Variants in ZP3 observed in about 807,000 individuals in gnomAD.
The protein encoded by ZP3 is zona pellucida glycoprotein 3, also known as zona pellucida sperm-binding protein 3.
A neutral mutation model predicts 35.6 loss-of-function variants in ZP3; 21 were observed. That is an observed-to-expected ratio of 0.59 (90% CI 0.42 to 0.85). The LOEUF (loss-of-function observed/expected upper bound fraction) is 0.85, where lower values mean the gene tolerates loss of function less well. ZP3 is among the 40% of genes least tolerant of loss of function. ZP3 has a pLI of 0.00. For missense variants in ZP3, 437 were observed against 536.5 expected (o/e 0.81, Z 1.83); for synonymous variants, 207 against 214.5 (o/e 0.96, Z 0.31).
chr7:76,401,239 A>C (rs1440026381), intron 1 of ZP3, among the ~76,000 whole-genome samples: 1 of 151,818 alleles, frequency 6.6e-6, no homozygotes, highest in Non-Finnish European at 1.5e-5. Flanking sequence ...CCCCTCTCCT[A>C]GTGGTCCCTG....
chr7:76,401,032 G>C, intron 1 of ZP3: 5 of 1,549,108 alleles, frequency 3.2e-6, no homozygotes, highest in Non-Finnish European at 3.5e-6. Flanking sequence ...GGAGTGGGCT[G>C]TAGGGCGCTG....
intron 1 of ZP3, among the ~76,000 whole-genome samples, chr7:76,414,868 A>C: frequency 1.4e-4 from 1 of 7,266 alleles, no homozygotes; most frequent in Non-Finnish European, 2.8e-4. Flanking sequence ...GTGCCACAGT[A>C]ACCAGCACAA....
chr7:76,397,961 C>T (rs1179066825), intron 1 of ZP3: 43 of 976,352 alleles, frequency 4.4e-5, no homozygotes, highest in East Asian at 8.2e-5. Flanking sequence ...CCCAGGGTAC[C>T]GCCTCCTTGG....
chr7:76,407,764 A>G (rs563501032), intron 1 of ZP3, among the ~76,000 whole-genome samples: 1 of 152,298 alleles, frequency 6.6e-6, no homozygotes, highest in South Asian at 2.1e-4. Context: ...TGCATAAACC[A>G]TGAGCTTAGA....
chr7:76,420,325 A>T (rs1053087838), upstream of ZP3, among the ~76,000 whole-genome samples: 4 of 152,094 alleles, frequency 2.6e-5, no homozygotes, highest in African/African-American at 7.2e-5. Context: ...CTCACACCAG[A>T]TGTTCTTTTT....
intron 5 of ZP3, among the ~76,000 whole-genome samples, chr7:76,438,003 TAA>T (rs577263962): frequency 9.5e-4 from 145 of 152,300 alleles, no homozygotes; most frequent in Admixed American, 2.0e-3. Flanking sequence ...GGCTTGTTTC[TAA>T]AAGTCTGAAT....
chr7:76,402,839 G>A (rs1002064919), intron 1 of ZP3, among the ~76,000 whole-genome samples: 39 of 151,754 alleles, frequency 2.6e-4, no homozygotes, highest in African/African-American at 9.2e-4. Flanking sequence ...GGCTAATTTT[G>A]TATTTTTAGT....
At chr7:76,420,616 A>G (rs558940853), upstream of ZP3, among the ~76,000 whole-genome samples, 10 of 152,130 alleles carry the variant, frequency 6.6e-5, no homozygotes, top group South Asian at 1.7e-3. Flanking sequence ...ATACCTAGGA[A>G]CTTCATATTT....
At chr7:76,397,841 G>C (rs1273453329) in intron 1 of ZP3, 1 of 1,542,106 alleles carries the variant, frequency 6.5e-7, no homozygotes, top group Non-Finnish European at 8.8e-7. Context: ...ACCTGGGGAT[G>C]GGGGCGGGGG....
chr7:76,435,361 T>C (rs1182246190), intron 5 of ZP3, among the ~76,000 whole-genome samples: 1 of 152,204 alleles, frequency 6.6e-6, no homozygotes, highest in African/African-American at 2.4e-5. Flanking sequence ...TACCATGTTG[T>C]CCAGGCTGGT....
intron 2 of ZP3, among the ~76,000 whole-genome samples, chr7:76,430,587 T>G (rs1436885003): frequency 6.6e-6 from 1 of 151,858 alleles, no homozygotes; most frequent in Non-Finnish European, 1.5e-5. Context: ...ACAAAAAAAT[T>G]AGCCGAGTGT....
rs1554626485 is a variant in ZP3, at chr7:76,438,538, G to GGAAAAAAAAAA, written c.832-1712_832-1711insGAAAAAAAAAA. ...TGGACTAGAGACAGACTCCGTCTCA[G>GGAAAAAAAAAA]AAAAAAAAAAAAAAAAAAAGGGTAG... On this transcript the variant is annotated intron_variant, in intron 5 of 7. Transcript: ENST00000394857. Among the ~76,000 whole-genome samples, 90 of 88,528 alleles carry GGAAAAAAAAAA rather than the reference G, an allele frequency of 1.0e-3. 2 individuals carry two copies. The highest frequency in any genetic ancestry group is 4.5e-3 in the African/African-American group (83 of 18,354). The allele number at this position is 88,528 out of a possible 152,430, so 58.1% of individuals were successfully genotyped here. A position where few individuals can be genotyped will look rare whatever the true frequency, so the allele number is the denominator to read the frequency against.
intron 5 of ZP3, among the ~76,000 whole-genome samples, chr7:76,438,403 C>G (rs562386083): frequency 6.6e-6 from 1 of 152,188 alleles, no homozygotes; most frequent in South Asian, 2.1e-4. Flanking sequence ...ACTACAAATA[C>G]AAAAACTAGC....
At chr7:76,430,631 AG>A (rs1805800715) in intron 2 of ZP3, among the ~76,000 whole-genome samples, 1 of 152,172 alleles carries the variant, frequency 6.6e-6, no homozygotes, top group Non-Finnish European at 1.5e-5. Context: ...GCTACTCAGG[AG>A]GCTGAGGCAG....
chr7:76,431,261 C>T (rs996036992), intron 2 of ZP3, among the ~76,000 whole-genome samples: 7 of 152,136 alleles, frequency 4.6e-5, no homozygotes, highest in Non-Finnish European at 1.0e-4. Flanking sequence ...GGGCAGGCTG[C>T]CCAGTCGGCA....
At position 76,416,945 on chromosome 7, in the gene ZP3, CATATATAT is replaced by C. The variant is rs35169816; in HGVS notation, c.-66-8085_-66-8078del. Reference sequence around the variant, plus strand: ...ATATACACATACATATGTATACATACATATATATATATATATATATATATATATAATTT... The same window carrying C: ...ATATACACATACATATGTATACATACATATATATATATATATATATAATTT... On this transcript the variant is annotated intron_variant, in intron 1 of 8. Coordinates refer to the ZP3 transcript ENST00000336517. 2.8e-3 allele frequency among the ~76,000 whole-genome samples: 205 copies of C among 73,208 alleles called. 2 individuals carry two copies. The highest frequency in any genetic ancestry group is 9.6e-3 in the African/African-American group (167 of 17,464). The allele number at this position is 73,208 out of a possible 152,430, so 48.0% of individuals were successfully genotyped here.
At chr7:76,401,885 C>T (rs769347278) in intron 1 of ZP3, among the ~76,000 whole-genome samples, 1 of 152,186 alleles carries the variant, frequency 6.6e-6, no homozygotes, top group Non-Finnish European at 1.5e-5. Flanking sequence ...ACTCTGTGTC[C>T]CCAGACTCTC....
intron 1 of ZP3, among the ~76,000 whole-genome samples, chr7:76,410,725 T>A (rs1805219652): frequency 6.6e-6 from 1 of 151,842 alleles, no homozygotes; most frequent in South Asian, 2.1e-4. Context: ...CCAGGCGAGG[T>A]GGCTCATACC....
At chr7:76,398,301 C>G (rs983191584) in intron 1 of ZP3, among the ~76,000 whole-genome samples, 12 of 146,012 alleles carry the variant, frequency 8.2e-5, no homozygotes, top group Non-Finnish European at 1.3e-4. Context: ...ACCGCCCATT[C>G]ATTTTCTATT....
Sources: allele counts gnomAD v4.1 joint callset (sites outside exome capture counted in the v4.1 genomes callset), GRCh38; gene constraint gnomAD v4.1.1; transcripts MANE v1.5; gene names NCBI Gene and HGNC (gene_info 2026-07-23, HGNC 2026-07-21).